Variants in C4BPB observed in about 807,000 individuals in gnomAD.
The protein encoded by C4BPB is C4b-binding protein beta chain.
Under a neutral mutation model 26.6 loss-of-function variants are expected in C4BPB, and 19 were observed. The observed-to-expected ratio is 0.71, with a 90% CI of 0.50 to 1.05. The LOEUF (loss-of-function observed/expected upper bound fraction) is 1.05. Among genes scored for constraint, C4BPB ranks in the 50% least tolerant of loss-of-function variants. C4BPB has a pLI of 0.00. For missense variants in C4BPB, 282 were observed against 302.9 expected, an observed-to-expected ratio of 0.93 and a Z score of 0.51; for synonymous variants, 118 against 103.5, an observed-to-expected ratio of 1.14 and a Z score of -0.85.
chr1:207,089,531 G>C lies in C4BPB; in HGVS notation c.-1G>C. On this transcript the variant is annotated 5_prime_UTR_variant, in exon 2 of 7. Coordinates refer to ENST00000367078, the MANE Select transcript of C4BPB (RefSeq NM_001017365.3). ...CCTGGGGAGAGGACTTTGATCACCA[G>C]ATGTTTTTTTGGTGTGCGTGCTGTC... 1.2e-6 allele frequency: 2 copies of C among 1,613,968 alleles called. No homozygotes were observed. The highest frequency in any genetic ancestry group is 1.7e-6 in the Non-Finnish European group (2 of 1,179,902).
rs532362224 is a variant in C4BPB at position 207,089,541 on chromosome 1, T to C, written c.10T>C (p.Trp4Arg). The C allele has an allele frequency of 2.5e-6, 4 of 1,614,096 alleles. No homozygotes were observed. In the African/African-American group the frequency reaches 5.3e-5, roughly 22 times the overall value. The change falls in exon 2 of 7, where the codon TGG becomes CGG. Residue 4 changes from tryptophan to arginine, a missense_variant. Transcript: ENST00000367078. MFFWCACCLMVAWR... is the reference protein window; with the variant it reads MFFRCACCLMVAWR... ...GGACTTTGATCACCAGATGTTTTTT[T>C]GGTGTGCGTGCTGTCTTATGGTTGC...
At chr1:207,089,808 ACTTTCC>A (rs1016690172) in intron 2 of C4BPB, among the ~76,000 whole-genome samples, 4 of 152,194 alleles carry the variant, frequency 2.6e-5, no homozygotes, top group African/African-American at 9.6e-5. Context: ...CTGTTTTTTT[ACTTTCC>A]CTTTCTGTTC....
At chr1:207,094,656 T>G (rs1684171800) in intron 4 of C4BPB, among the ~76,000 whole-genome samples, 1 of 152,324 alleles carries the variant, frequency 6.6e-6, no homozygotes, top group Non-Finnish European at 1.5e-5. Flanking sequence ...CTGTTTATTC[T>G]GTTTACCACA....
At chr1:207,092,731 G>A (rs949729164) in intron 4 of C4BPB, among the ~76,000 whole-genome samples, 1 of 150,568 alleles carries the variant, frequency 6.6e-6, no homozygotes, top group Non-Finnish European at 1.5e-5. Flanking sequence ...AGGTTCTAGC[G>A]ATTCTGCTGC....
At chr1:207,090,240 G>A in intron 2 of C4BPB, 68 bp from the exon 3 acceptor site, 2 of 1,228,370 alleles carry the variant, frequency 1.6e-6, no homozygotes, top group Non-Finnish European at 2.3e-6. Context: ...TGAGAATGGG[G>A]AAATCTAATA....
chr1:207,099,647 A>G (rs1287110206), intron 6 of C4BPB, 142 bp from the exon 7 acceptor site: 3 of 562,336 alleles, frequency 5.3e-6, no homozygotes, highest in South Asian at 6.7e-5. Context: ...ATGATTTGCC[A>G]TGTTGAAAAC....
intron 4 of C4BPB, chr1:207,095,673 G>C: frequency 3.0e-6 from 1 of 337,450 alleles, no homozygotes; most frequent in Non-Finnish European, 5.8e-6. Flanking sequence ...TTGGATGTGT[G>C]TTCCTGCTCA....
intron 4 of C4BPB, 90 bp from the exon 5 acceptor site, chr1:207,096,432 G>A: frequency 2.5e-6 from 2 of 791,914 alleles, no homozygotes; most frequent in South Asian, 2.8e-5. Context: ...GAGGCTGTCA[G>A]GTGCTGGCAT....
chr1:207,089,336 C>T (rs1683926116), intron 1 of C4BPB, 146 bp from the exon 2 acceptor site: 12 of 551,396 alleles, frequency 2.2e-5, no homozygotes, highest in Non-Finnish European at 3.2e-5. Context: ...ATACCAGCTT[C>T]CTTACAGCTG....
rs770928392 is a variant in C4BPB at position 207,091,839 on chromosome 1, A to G, written c.409+19A>G. On this transcript the variant is annotated intron_variant, in intron 4 of 6. Coordinates refer to ENST00000367078, the MANE Select transcript of C4BPB (RefSeq NM_001017365.3). ...AAAAGTAGTAAGTACAAGAGAAACC[A>G]TCAAGGATCCCCAAAATACTGATTA... 3.8e-6 allele frequency: 6 copies of G among 1,594,986 alleles called. No homozygotes were observed. Among genetic ancestry groups the G allele is most frequent in the Non-Finnish European group, 5.1e-6 (6 of 1,170,390 alleles).
At chr1:207,096,685 T>C (rs931989186) in intron 5 of C4BPB, 70 bp downstream of exon 5, 1 of 839,488 alleles carries the variant, frequency 1.2e-6, no homozygotes, top group Admixed American at 2.1e-5. Flanking sequence ...AATAACCCAG[T>C]CTGTGTCCAC....
intron 4 of C4BPB, among the ~76,000 whole-genome samples, chr1:207,093,503 C>A (rs1323445872): frequency 6.6e-6 from 1 of 151,988 alleles, no homozygotes; most frequent in African/African-American, 2.4e-5. Context: ...ATAAGTAGAA[C>A]AGATTAAGTC....
chr1:207,089,386 T>C, intron 1 of C4BPB, 96 bp from the exon 2 acceptor site: 2 of 631,142 alleles, frequency 3.2e-6, no homozygotes, highest in Non-Finnish European at 5.6e-6. Flanking sequence ...TTTCATTTTC[T>C]CCAGGGAGGG....
rs548763600 is a variant in C4BPB at position 207,091,624 on chromosome 1, T to C, written c.233-20T>C. ...GCTTCAGCTTTGCCCTTTCAGCTTATTGCTTATTTTCTTCTTCAGTGGGCC... is the reference window on the plus strand; with the variant it reads ...GCTTCAGCTTTGCCCTTTCAGCTTACTGCTTATTTTCTTCTTCAGTGGGCC... On this transcript the variant is annotated intron_variant, in intron 3 of 6. Coordinates refer to ENST00000367078, the MANE Select transcript of C4BPB (RefSeq NM_001017365.3). The C allele has an allele frequency of 1.2e-6, 2 of 1,605,816 alleles. No homozygotes were observed. Among genetic ancestry groups the C allele is most frequent in the South Asian group, 1.1e-5 (1 of 90,010 alleles).
chr1:207,091,798 T>A lies in C4BPB; in HGVS notation c.387T>A (p.Pro129=). Reference sequence around the variant, plus strand: ...GTCTAGAGGACCACACCTGGGCACCTCCCTTTCCCATCTGCAAAAGTAGTA... The same window carrying A: ...GTCTAGAGGACCACACCTGGGCACCACCCTTTCCCATCTGCAAAAGTAGTA... ...SQCLEDHTWA[P]PFPICKSRDC... The change falls in exon 4 of 7, where the codon CCT becomes CCA. Residue 129 remains proline (P), a synonymous_variant. Transcript: ENST00000367078. 2 of 1,613,278 alleles carry A rather than the reference T, an allele frequency of 1.2e-6. No homozygotes were observed. The highest frequency in any genetic ancestry group is 1.7e-6 in the Non-Finnish European group (2 of 1,179,668).
intron 6 of C4BPB, among the ~76,000 whole-genome samples, chr1:207,099,279 A>G (rs1558081064): frequency 6.6e-6 from 1 of 152,220 alleles, no homozygotes; most frequent in Non-Finnish European, 1.5e-5. Context: ...ATGAGAATCT[A>G]ATGCCACCTC....
At chr1:207,095,072 C>T in intron 4 of C4BPB, 1 of 310,446 alleles carries the variant, frequency 3.2e-6, no homozygotes, top group South Asian at 2.6e-5. Flanking sequence ...TATACACCCA[C>T]ATAATCATTG....
chr1:207,090,159 T>C (rs1239694017), intron 2 of C4BPB, 149 bp from the exon 3 acceptor site: 3 of 600,446 alleles, frequency 5.0e-6, no homozygotes, highest in Non-Finnish European at 8.2e-6. Context: ...TAGTCCCGGC[T>C]ACTTGGGAGT....
intron 6 of C4BPB, among the ~76,000 whole-genome samples, chr1:207,098,921 G>T (rs1408101992): frequency 3.3e-5 from 5 of 152,022 alleles, no homozygotes; most frequent in Non-Finnish European, 7.4e-5. Context: ...TCTCATCTGG[G>T]AATGATGAGA....
Sources: gnomAD v4.1 joint callset for allele counts (sites outside exome capture counted in the v4.1 genomes callset) on GRCh38, gnomAD v4.1.1 for gene constraint, MANE v1.5 for transcripts, NCBI Gene and HGNC (gene_info 2026-07-23, HGNC 2026-07-21) for gene names.